Variants in KLHL28 observed in about 807,000 individuals in gnomAD.
The protein encoded by KLHL28 is kelch-like protein 28.
Under a neutral mutation model 48.3 loss-of-function variants are expected in KLHL28, and 22 were observed. The observed-to-expected ratio is 0.46, with a 90% CI of 0.33 to 0.65. KLHL28 has a LOEUF of 0.65. Ranked by LOEUF, KLHL28 falls within the 30% of genes least tolerant of loss-of-function variation. The pLI, the probability that KLHL28 is intolerant of heterozygous loss-of-function variation, is 0.03. For missense variants in KLHL28, 527 were observed against 704.3 expected (o/e 0.75, Z 2.85); for synonymous variants, 243 against 242.4 (o/e 1.00, Z -0.02).
intron 1 of KLHL28, among the ~76,000 whole-genome samples, chr14:44,957,345 C>T (rs1050943033): frequency 6.6e-6 from 1 of 152,044 alleles, no homozygotes; most frequent in Non-Finnish European, 1.5e-5. Flanking sequence ...ATATAAGGCA[C>T]AAAATTTTGA....
Position 44,945,262 on chromosome 14 carries a change from T to C in KLHL28, c.667A>G (p.Ser223Gly). Residue 223 changes from serine (S) to glycine (G), a missense_variant, in exon 2 of 5, where the codon AGT becomes GGT. Physicochemically the swap from Ser to Gly is moderately conservative, Grantham distance 56. Coordinates refer to ENST00000396128, the MANE Select transcript of KLHL28 (RefSeq NM_017658.5). ...ACACTCAACAATGGTAATCGTACAC[T>C]GTTTAGTAACTGTGCTAAGTATTTC... ...RQKYLAQLLNSVRLPLLSVKF... is the reference protein window; with the variant it reads ...RQKYLAQLLNGVRLPLLSVKF... 1 of 1,614,166 alleles carries C rather than the reference T, an allele frequency of 6.2e-7. No individual in the cohort carries two copies. The highest frequency in any genetic ancestry group is 1.3e-5 in the African/African-American group (1 of 75,062).
chr14:44,961,486 C>T (rs1885094154), intron 1 of KLHL28: 1 of 150,862 alleles, frequency 6.6e-6, no homozygotes, highest in African/African-American at 2.4e-5. Flanking sequence ...AACAAACAAA[C>T]AAAAACAAAA....
intron 1 of KLHL28, 26 bp from the exon 2 acceptor site, chr14:44,945,954 C>T: frequency 6.3e-7 from 1 of 1,576,574 alleles, no homozygotes; most frequent in East Asian, 2.3e-5. Flanking sequence ...AAAGCATAGA[C>T]AGTTATTTCA....
chr14:44,931,422 T>C lies in KLHL28; in HGVS notation c.1463A>G (p.Asn488Ser). ...AATGCTGGACAAATGTGAGACTCCA[T>C]TATGTCCACCCACCACAAAAATAAA... ...LGFIFVVGGHNGVSHLSSIER... is the reference protein window; with the variant it reads ...LGFIFVVGGHSGVSHLSSIER... Residue 488 changes from asparagine to serine, a missense_variant, in exon 4 of 5, where the codon AAT becomes AGT. Asn to Ser is a conservative substitution (Grantham distance 46). Coordinates refer to ENST00000396128, the MANE Select transcript of KLHL28 (RefSeq NM_017658.5). 1.2e-6 allele frequency: 2 copies of C among 1,613,864 alleles called. No homozygotes were observed. Among genetic ancestry groups the C allele is most frequent in the South Asian group, 1.1e-5 (1 of 91,082 alleles).
intron 1 of KLHL28, among the ~76,000 whole-genome samples, chr14:44,955,594 G>A (rs1016475131): frequency 6.6e-5 from 10 of 152,038 alleles, no homozygotes; most frequent in East Asian, 3.9e-4. Context: ...TGGGCAACAC[G>A]GTGAAATTCC....
At chr14:44,944,974 A>G in intron 2 of KLHL28, 56 bp downstream of exon 2, 1 of 1,255,322 alleles carries the variant, frequency 8.0e-7, no homozygotes, top group Non-Finnish European at 1.1e-6. Flanking sequence ...AAATCTGCAC[A>G]TTTAAAAAGC....
At chr14:44,952,078 C>A (rs1566576925) in intron 1 of KLHL28, among the ~76,000 whole-genome samples, 1 of 152,006 alleles carries the variant, frequency 6.6e-6, no homozygotes, top group Non-Finnish European at 1.5e-5. Flanking sequence ...CTAGGCTAGT[C>A]TCGAACTCCT....
Sources: gnomAD v4.1 joint callset for allele counts (sites outside exome capture counted in the v4.1 genomes callset) on GRCh38, gnomAD v4.1.1 for gene constraint, MANE v1.5 for transcripts, NCBI Gene and HGNC (gene_info 2026-07-23, HGNC 2026-07-21) for gene names.